Variants in SEC31B observed in about 807,000 individuals in gnomAD.
The protein encoded by SEC31B is protein transport protein Sec31B.
Under a neutral mutation model 135.0 loss-of-function variants are expected in SEC31B, and 113 were observed. That is an observed-to-expected ratio of 0.84 (90% CI 0.72 to 0.98). The LOEUF is 0.98. SEC31B is among the 50% of genes least tolerant of loss of function. The pLI, the probability that SEC31B is intolerant of heterozygous loss-of-function variation, is 0.00. For missense variants in SEC31B, 1,296 were observed against 1,421.1 expected, an observed-to-expected ratio of 0.91 and a Z score of 1.42; for synonymous variants, 508 against 549.4, an observed-to-expected ratio of 0.92 and a Z score of 1.05.
intron 3 of SEC31B, among the ~76,000 whole-genome samples, chr10:100,513,477 C>CT (rs1013758080): frequency 8.6e-5 from 13 of 151,646 alleles, no homozygotes; most frequent in Non-Finnish European, 1.6e-4. Flanking sequence ...TCTTCTTTTT[C>CT]TTTTTTTTAG....
At position 100,506,372 on chromosome 10, in the gene SEC31B, G is replaced by C. The variant is rs1391290438; in HGVS notation, c.831C>G (p.Leu277=). The C allele has an allele frequency of 6.2e-7, 1 of 1,614,114 alleles. No individual in the cohort carries two copies. Among genetic ancestry groups the C allele is most frequent in the South Asian group, 1.1e-5 (1 of 91,074 alleles). The stretch of plus-strand genomic sequence containing the variant: ...AGATCTGGCTGTCCTTAGCACTAGT[G>C]AGCAGCAGCTCAGCATCAGCCTGGC... ...SWSQADAELL[L]TSAKDSQILC... The change falls in exon 8 of 26, where the codon CTC becomes CTG. Residue 277 remains leucine, a synonymous_variant. Coordinates refer to ENST00000370345, the MANE Select transcript of SEC31B (RefSeq NM_015490.4).
rs567638382 is a variant in SEC31B at position 100,514,708 on chromosome 10, A to C, written c.203+1388T>G. Reference sequence around the variant, plus strand: ...CTCAATATTTTAACTAATCTCTTAGAGGGACCAAGAAATGCACAAGGAGTT... The same window carrying C: ...CTCAATATTTTAACTAATCTCTTAGCGGGACCAAGAAATGCACAAGGAGTT... On this transcript the variant is annotated intron_variant, in intron 3 of 25. Coordinates refer to ENST00000370345, the MANE Select transcript of SEC31B (RefSeq NM_015490.4). 3.5e-4 allele frequency among the ~76,000 whole-genome samples: 54 copies of C among 152,316 alleles called. No individual in the cohort carries two copies. The South Asian group carries it at 0.011, about 30-fold the overall frequency.
rs1313140538 is a variant in SEC31B at position 100,496,441 on chromosome 10, C to T, written c.2137-10G>A. The stretch of plus-strand genomic sequence containing the variant: ...CCTTCTCCATCAGGTCCTGTAAGGG[C>T]AAGGATGAGGGTGGTAAGCCTTCAA... On this transcript the variant is annotated splice_polypyrimidine_tract_variant and intron_variant, in intron 17 of 25. Coordinates refer to ENST00000370345, the MANE Select transcript of SEC31B (RefSeq NM_015490.4). 1 of 1,613,868 alleles carries T rather than the reference C, an allele frequency of 6.2e-7. No individual in the cohort carries two copies. The highest frequency in any genetic ancestry group is 2.2e-5 in the East Asian group (1 of 44,880).
intron 25 of SEC31B, 96 bp downstream of exon 25, chr10:100,487,931 A>C (rs1216277710): frequency 9.9e-6 from 15 of 1,509,098 alleles, no homozygotes; most frequent in Non-Finnish European, 1.3e-5. Context: ...AACCCAGGTC[A>C]GTGACACCTA....
chr10:100,489,217 T>C (rs972292079), intron 23 of SEC31B, 35 bp downstream of exon 23: 2 of 1,571,940 alleles, frequency 1.3e-6, no homozygotes, highest in Non-Finnish European at 1.7e-6. Context: ...GGCTGGAAGG[T>C]TTCCCAAGGG....
At chr10:100,518,339 C>G (rs927475145) in intron 1 of SEC31B, among the ~76,000 whole-genome samples, 1 of 151,844 alleles carries the variant, frequency 6.6e-6, no homozygotes, top group Non-Finnish European at 1.5e-5. Flanking sequence ...TCACTTTCGA[C>G]ATGACTGGCT....
At chr10:100,508,411 G>A (rs1851673189) in intron 5 of SEC31B, 2 of 494,014 alleles carry the variant, frequency 4.0e-6, no homozygotes, top group East Asian at 5.8e-5. Flanking sequence ...AAGAGAGAGT[G>A]AGGCCGAGAG....
At position 100,509,444 on chromosome 10, in the gene SEC31B, C is replaced by T. The variant is rs150176119; in HGVS notation, c.271G>A (p.Gly91Ser). Residue 91 changes from glycine to serine, a missense_variant, in exon 4 of 26, where the codon GGC (glycine) becomes AGC (serine). Physicochemically the swap from Gly to Ser is moderately conservative, Grantham distance 56 (BLOSUM62 0). Transcript: ENST00000370345. ...AGAATAAGCATGCCATTGTCCCCGC[C>T]GCCAACAATAACCCCGGAGCTTTCC... ...LLESSGVIVG[G>S]GDNGMLILYN... 5,303 of 1,614,096 alleles carry T rather than the reference C, an allele frequency of 3.3e-3. 20 individuals carry two copies. Among genetic ancestry groups the T allele is most frequent in the Non-Finnish European group, 3.4e-3 (3,959 of 1,180,006 alleles).
chr10:100,490,638 T>G, intron 20 of SEC31B, 68 bp downstream of exon 20: 12 of 1,428,674 alleles, frequency 8.4e-6, no homozygotes. Flanking sequence ...AAATCCATGC[T>G]GGCCATGCCA....
chr10:100,501,365 T>C (rs1851521500), intron 11 of SEC31B, among the ~76,000 whole-genome samples: 1 of 152,168 alleles, frequency 6.6e-6, no homozygotes, highest in Non-Finnish European at 1.5e-5. Flanking sequence ...CTCCCTCTCT[T>C]TACCATCTCA....
rs552625258 is a variant in SEC31B, at chr10:100,490,416, A to G, written c.2651-94T>C. 2.2e-3 allele frequency: 2,682 copies of G among 1,246,682 alleles called. 10 individuals are homozygous for G. The highest frequency in any genetic ancestry group is 5.3e-3 in the South Asian group (331 of 62,924). 77.2% of individuals were successfully genotyped at this position (1,246,682 alleles called of 1,614,324 possible). On this transcript the variant is annotated intron_variant, in intron 20 of 25. Transcript: ENST00000370345. ...GGAGAAACAGGATTGCAATAAAAAA[A>G]TAATAAATGATTAATACATGTATAT...
chr10:100,487,866 G>C, intron 25 of SEC31B, 71 bp from the exon 26 acceptor site: 1 of 1,583,882 alleles, frequency 6.3e-7, no homozygotes, highest in Non-Finnish European at 8.6e-7. Flanking sequence ...GAAGGGATAA[G>C]GGAAGACTTA....
chr10:100,488,148 C>T (rs1367267142), intron 24 of SEC31B, 50 bp from the exon 25 acceptor site: 1 of 1,506,244 alleles, frequency 6.6e-7, no homozygotes, highest in Non-Finnish European at 9.2e-7. Context: ...TCTAACACCA[C>T]ACAGGGCCAT....
Position 100,497,291 on chromosome 10 carries a change from A to C in SEC31B, c.1991-11T>G. ...GAGTTCCCAGCATGTCTGCAGAGAG[A>C]GGGTAATTTCATTAATGGCACAGCT... On this transcript the variant is annotated splice_polypyrimidine_tract_variant and intron_variant, in intron 16 of 25. Coordinates refer to ENST00000370345, the MANE Select transcript of SEC31B (RefSeq NM_015490.4). 2 of 1,611,588 alleles carry C rather than the reference A, an allele frequency of 1.2e-6. No homozygotes were observed. The highest frequency in any genetic ancestry group is 1.7e-6 in the Non-Finnish European group (2 of 1,177,976).
At chr10:100,488,757 G>C in intron 24 of SEC31B, 101 bp downstream of exon 24, 1 of 1,398,814 alleles carries the variant, frequency 7.1e-7, no homozygotes, top group Non-Finnish European at 9.6e-7. Context: ...ATGTCCAGGG[G>C]CAGTGAGAAG....
At chr10:100,508,943 CA>C in intron 5 of SEC31B, 63 bp downstream of exon 5, 1 of 1,355,188 alleles carries the variant, frequency 7.4e-7, no homozygotes, top group Non-Finnish European at 1.1e-6. Context: ...CTCCAGAACT[CA>C]AGACTTTTAC....
Position 100,488,039 on chromosome 10 carries a change from G to A in SEC31B, c.3348C>T (p.Leu1116=), listed in dbSNP as rs1161733837. 1.9e-6 allele frequency: 3 copies of A among 1,614,018 alleles called. No individual in the cohort carries two copies. Among genetic ancestry groups the A allele is most frequent in the Non-Finnish European group, 2.5e-6 (3 of 1,180,000 alleles). ...AQRLEYLYEK[L]CEGTLSPHVV... ...TAGCTGTACTTACTGTCCCCTCACA[G>A]AGCTTCTCATATAGATACTCCAGAC... The change falls in exon 25 of 26, where the codon CTC becomes CTT. Residue 1116 remains leucine (L), a synonymous_variant. Transcript: ENST00000370345.
intron 1 of SEC31B, among the ~76,000 whole-genome samples, chr10:100,519,480 G>A (rs1289005928): frequency 6.6e-6 from 1 of 152,266 alleles, no homozygotes; most frequent in East Asian, 1.9e-4. Flanking sequence ...CAGCGACACC[G>A]GACGGCCTCG....
intron 25 of SEC31B, 48 bp from the exon 26 acceptor site, chr10:100,487,843 C>A: frequency 6.2e-7 from 1 of 1,604,546 alleles, no homozygotes; most frequent in Non-Finnish European, 8.5e-7. Flanking sequence ...CCAGCTCCTA[C>A]CCTGGCAGCA....
Sources: gnomAD v4.1 joint callset for allele counts (sites outside exome capture counted in the v4.1 genomes callset) on GRCh38, gnomAD v4.1.1 for gene constraint, MANE v1.5 for transcripts, NCBI Gene and HGNC (gene_info 2026-07-23, HGNC 2026-07-21) for gene names.